The following SRPK2 variants were observed in gnomAD, a reference collection of about 807,000 sequenced individuals.
SRPK2 encodes the protein SRSF protein kinase 2, also known as SFRS protein kinase 2.
In SRPK2, 21 loss-of-function variants were observed where a neutral mutation model predicts 90.8. The ratio of observed to expected loss-of-function variants is 0.23; its 90% confidence interval spans 0.16 to 0.33. SRPK2 has a LOEUF of 0.33. Among genes scored for constraint, SRPK2 ranks in the 10% least tolerant of loss-of-function variants. The probability of loss-of-function intolerance (pLI) is 1.00; values close to 1 mark genes in which losing one functional copy is unlikely to be tolerated. For missense variants in SRPK2, 620 were observed against 869.0 expected (o/e 0.71, Z 3.60); for synonymous variants, 288 against 311.1 (o/e 0.93, Z 0.78).
chr7:105,133,956 G>A (rs1431676083), intron 11 of SRPK2, among the ~76,000 whole-genome samples: 1 of 152,104 alleles, frequency 6.6e-6, no homozygotes, highest in Non-Finnish European at 1.5e-5. Flanking sequence ...CAAGGGGCAA[G>A]TGACAAACAA....
At chr7:105,322,056 C>A (rs1282556020) in intron 2 of SRPK2, among the ~76,000 whole-genome samples, 1 of 152,082 alleles carries the variant, frequency 6.6e-6, no homozygotes, top group Non-Finnish European at 1.5e-5. Context: ...TGTCTACCAA[C>A]AAATGAATGG....
chr7:105,383,631 G>A (rs1563316529), intron 2 of SRPK2, among the ~76,000 whole-genome samples: 1 of 151,354 alleles, frequency 6.6e-6, no homozygotes, highest in Non-Finnish European at 1.5e-5. Flanking sequence ...TATTGGCCAG[G>A]CTGGTCTCGA....
At chr7:105,353,316 A>G (rs984043031) in intron 2 of SRPK2, among the ~76,000 whole-genome samples, 1 of 152,044 alleles carries the variant, frequency 6.6e-6, no homozygotes, top group Non-Finnish European at 1.5e-5. Flanking sequence ...TAGTGCTGTT[A>G]GAATTCTTCC....
At chr7:105,339,369 T>A (rs953198493) in intron 2 of SRPK2, among the ~76,000 whole-genome samples, 1 of 152,220 alleles carries the variant, frequency 6.6e-6, no homozygotes, top group Non-Finnish European at 1.5e-5. Context: ...CATAAGCACT[T>A]ATTAATTATC....
At chr7:105,192,330 G>A (rs1794397600) in intron 3 of SRPK2, among the ~76,000 whole-genome samples, 1 of 152,044 alleles carries the variant, frequency 6.6e-6, no homozygotes, top group South Asian at 2.1e-4. Context: ...CCATTCCTGA[G>A]TTACTTCAAT....
intron 2 of SRPK2, among the ~76,000 whole-genome samples, chr7:105,334,087 AT>A (rs919767559): frequency 2.1e-5 from 3 of 140,072 alleles, no homozygotes; most frequent in African/African-American, 8.1e-5. Context: ...ATTTTATTTT[AT>A]TTTTTATTTT....
chr7:105,277,801 TCA>T (rs1392499652), intron 2 of SRPK2, among the ~76,000 whole-genome samples: 1 of 152,182 alleles, frequency 6.6e-6, no homozygotes, highest in Non-Finnish European at 1.5e-5. Flanking sequence ...TCATTAATAA[TCA>T]CACAGTCTAA....
intron 11 of SRPK2, among the ~76,000 whole-genome samples, chr7:105,138,915 GA>G (rs1803281887): frequency 6.6e-6 from 1 of 152,242 alleles, no homozygotes; most frequent in African/African-American, 2.4e-5. Context: ...ATTTAGGAGT[GA>G]AGTATCCTAA....
At chr7:105,244,628 G>C in intron 2 of SRPK2, 1 of 721,654 alleles carries the variant, frequency 1.4e-6, no homozygotes, top group East Asian at 2.7e-5. Flanking sequence ...AGCGCGCCAG[G>C]GCCGCCTTTG....
At chr7:105,365,532 G>A (rs977764972) in intron 2 of SRPK2, among the ~76,000 whole-genome samples, 1 of 145,260 alleles carries the variant, frequency 6.9e-6, no homozygotes, top group African/African-American at 2.6e-5. Context: ...ATATATTTAG[G>A]CCAGGTGCAA....
chr7:105,167,062 T>G (rs1790161901), intron 6 of SRPK2, among the ~76,000 whole-genome samples: 1 of 152,140 alleles, frequency 6.6e-6, no homozygotes, highest in African/African-American at 2.4e-5. Context: ...CACAAAGAAG[T>G]GGTGCTGATG....
intron 2 of SRPK2, among the ~76,000 whole-genome samples, chr7:105,380,523 T>A (rs962987614): frequency 4.6e-4 from 6 of 12,936 alleles, no homozygotes; most frequent in South Asian, 5.5e-3. Flanking sequence ...ATGCTAAAAT[T>A]TTTTTTTTTT....
At chr7:105,264,242 T>C (rs1018432640) in intron 2 of SRPK2, among the ~76,000 whole-genome samples, 1 of 152,220 alleles carries the variant, frequency 6.6e-6, no homozygotes, top group African/African-American at 2.4e-5. Context: ...TTTCCCTTCC[T>C]TTCTCCTTAT....
intron 2 of SRPK2, among the ~76,000 whole-genome samples, chr7:105,256,714 A>G (rs1005751987): frequency 7.2e-5 from 11 of 152,262 alleles, no homozygotes; most frequent in African/African-American, 2.6e-4. Flanking sequence ...TCAACTCGTA[A>G]AAAAAATCAC....
intron 2 of SRPK2, among the ~76,000 whole-genome samples, chr7:105,216,445 A>AG (rs940953731): frequency 3.3e-5 from 5 of 152,266 alleles, no homozygotes; most frequent in South Asian, 2.1e-4. Context: ...TCCTTTCAGG[A>AG]GTTCAAGACC....
chr7:105,278,855 G>T (rs60347390), intron 2 of SRPK2, among the ~76,000 whole-genome samples: 27,523 of 151,884 alleles, frequency 0.18, 3,117 homozygotes, highest in East Asian at 0.58. Flanking sequence ...TCTTCATTAT[G>T]GCTGCATTAT....
intron 2 of SRPK2, among the ~76,000 whole-genome samples, chr7:105,359,831 G>C (rs1818225934): frequency 6.6e-6 from 1 of 152,158 alleles, no homozygotes; most frequent in African/African-American, 2.4e-5. Context: ...GTGCGATGTG[G>C]TGCTGAGAAG....
At chr7:105,318,750 T>C (rs1482365529) in intron 2 of SRPK2, among the ~76,000 whole-genome samples, 2 of 152,234 alleles carry the variant, frequency 1.3e-5, no homozygotes, top group Admixed American at 6.5e-5. Context: ...AAGGTACCAA[T>C]TCTCCAGAAA....
At chr7:105,347,547 G>A (rs1204682092) in intron 2 of SRPK2, among the ~76,000 whole-genome samples, 1 of 152,018 alleles carries the variant, frequency 6.6e-6, no homozygotes, top group African/African-American at 2.4e-5. Context: ...GAATGAGGGG[G>A]AGGGGGAGGA....
Sources: gnomAD v4.1 joint callset for allele counts (sites outside exome capture counted in the v4.1 genomes callset) on GRCh38, gnomAD v4.1.1 for gene constraint, MANE v1.5 for transcripts, NCBI Gene and HGNC (gene_info 2026-07-23, HGNC 2026-07-21) for gene names.